Variants in IL1RAPL2 observed in about 807,000 individuals in gnomAD.
IL1RAPL2 encodes X-linked interleukin-1 receptor accessory protein-like 2.
In IL1RAPL2, 3 loss-of-function variants were observed where a neutral mutation model predicts 44.1. The ratio of observed to expected loss-of-function variants is 0.07; its 90% CI spans 0.03 to 0.18. The LOEUF (loss-of-function observed/expected upper bound fraction) is 0.18. Among genes scored for constraint, IL1RAPL2 ranks in the 10% least tolerant of loss-of-function variants. The pLI is 1.00. For synonymous variants in IL1RAPL2, 181 were observed against 178.8 expected, an observed-to-expected ratio of 1.01 and a Z score of -0.10; for missense variants, 391 against 496.4, an observed-to-expected ratio of 0.79 and a Z score of 2.02.
chrX:104,772,130 G>A (rs1221111520), intron 2 of IL1RAPL2, among the ~76,000 whole-genome samples: 2 of 111,310 alleles, frequency 1.8e-5, no homozygotes, highest in Non-Finnish European at 3.8e-5. Context: ...TTCATTTTAT[G>A]CACGGGTATT....
chrX:105,342,963 T>G (rs1461522733), intron 5 of IL1RAPL2, among the ~76,000 whole-genome samples: 3 of 111,483 alleles, frequency 2.7e-5, no homozygotes, highest in African/African-American at 9.8e-5. Flanking sequence ...ATATCATGTT[T>G]TATCTTAAAA....
At chrX:105,315,822 G>A (rs2034836517) in intron 5 of IL1RAPL2, among the ~76,000 whole-genome samples, 2 of 105,121 alleles carry the variant, frequency 1.9e-5, no homozygotes, top group Admixed American at 2.1e-4. Context: ...AAGTTAAGCA[G>A]TTACTCTCCA....
rs771769782 is a variant in IL1RAPL2, at chrX:104,620,639, C to CAAAAAAAAAA, written c.-19-38234_-19-38225dup. Among the ~76,000 whole-genome samples the CAAAAAAAAAA allele has an allele frequency of 2.1e-4, 3 of 14,591 alleles. 1 individual carries two copies. Among genetic ancestry groups the CAAAAAAAAAA allele is most frequent in the African/African-American group, 5.7e-4 (3 of 5,263 alleles). The allele number at this position is 14,591 out of a possible 115,157, so 12.7% of individuals were successfully genotyped here. On this transcript the variant is annotated intron_variant, in intron 1 of 10. Coordinates refer to ENST00000372582, the MANE Select transcript of IL1RAPL2 (RefSeq NM_017416.2). Reference sequence around the variant, plus strand: ...TGGGTGACAGAGCGAGAGTCTGTCTCAAAAAAAAAAAAAAAAAAAAAAAAA... The same window carrying CAAAAAAAAAA: ...TGGGTGACAGAGCGAGAGTCTGTCTCAAAAAAAAAAAAAAAAAAAAAAAAAAAAAAAAAAA...
chrX:105,635,501 A>T (rs1216803333), intron 6 of IL1RAPL2, among the ~76,000 whole-genome samples: 1 of 111,565 alleles, frequency 9.0e-6, no homozygotes, highest in Non-Finnish European at 1.9e-5. Context: ...AATGCTATAA[A>T]AATTGAAGAG....
chrX:105,122,733 T>G (rs1372185937), intron 2 of IL1RAPL2, among the ~76,000 whole-genome samples: 1 of 112,096 alleles, frequency 8.9e-6, no homozygotes, highest in Non-Finnish European at 1.9e-5. Context: ...TTCTTTTACT[T>G]ATGCAGTCTA....
intron 2 of IL1RAPL2, among the ~76,000 whole-genome samples, chrX:105,156,939 A>G (rs765710259): frequency 2.7e-5 from 3 of 110,224 alleles, no homozygotes; most frequent in Non-Finnish European, 5.7e-5. Context: ...TCCTATGACT[A>G]TATTAGAGCC....
At chrX:104,955,670 T>C (rs1001835560) in intron 2 of IL1RAPL2, among the ~76,000 whole-genome samples, 1 of 110,373 alleles carries the variant, frequency 9.1e-6, no homozygotes, top group Non-Finnish European at 1.9e-5. Flanking sequence ...TCTTTTATTA[T>C]GTTCTCCAAG....
chrX:104,752,563 A>G (rs1223285931), intron 2 of IL1RAPL2, among the ~76,000 whole-genome samples: 1 of 110,487 alleles, frequency 9.1e-6, no homozygotes, highest in Non-Finnish European at 1.9e-5. Flanking sequence ...TATTTGAGTC[A>G]TGTCACATGG....
At chrX:104,597,486 A>T (rs756034904) in intron 1 of IL1RAPL2, among the ~76,000 whole-genome samples, 2 of 111,991 alleles carry the variant, frequency 1.8e-5, no homozygotes, top group African/African-American at 6.5e-5. Context: ...TGAGAAAAGT[A>T]TGGTTCTCTG....
rs149096054 is a variant in IL1RAPL2, at chrX:105,241,177, T to G, written c.543+7173T>G. On this transcript the variant is annotated intron_variant, in intron 4 of 10. Transcript: ENST00000372582. ...GGGGCCCTCTGTAGCATCCTAAAGT[T>G]AGTGGTCAAAAGAGACTTAATTTCG... 4.1e-3 allele frequency among the ~76,000 whole-genome samples: 464 copies of G among 111,851 alleles called. 11 individuals carry two copies. Among genetic ancestry groups the G allele is most frequent in the Middle Eastern group, 9.2e-3 (2 of 218 alleles).
intron 6 of IL1RAPL2, among the ~76,000 whole-genome samples, chrX:105,490,117 C>T (rs2036305687): frequency 9.0e-6 from 1 of 111,544 alleles, no homozygotes; most frequent in Non-Finnish European, 1.9e-5. Context: ...CATGAGCCAT[C>T]GAGCCTGGCC....
At chrX:104,916,779 GGGTTGTT>G (rs1924454207) in intron 2 of IL1RAPL2, among the ~76,000 whole-genome samples, 2 of 111,072 alleles carry the variant, frequency 1.8e-5, no homozygotes, top group Non-Finnish European at 3.8e-5. Flanking sequence ...TTAGCATGAA[GGGTTGTT>G]GAATTTTGTC....
chrX:104,970,778 G>A (rs187324207), intron 2 of IL1RAPL2, among the ~76,000 whole-genome samples: 3 of 111,638 alleles, frequency 2.7e-5, no homozygotes, highest in Admixed American at 9.5e-5. Flanking sequence ...ACCTTAAGGG[G>A]GATGCAAAAG....
intron 2 of IL1RAPL2, among the ~76,000 whole-genome samples, chrX:105,018,192 T>G (rs934354298): frequency 1.8e-5 from 2 of 111,804 alleles, no homozygotes; most frequent in Middle Eastern, 4.2e-3. Flanking sequence ...AGAATACTTT[T>G]AAATGTGCCA....
At chrX:104,941,411 G>A (rs1206545043) in intron 2 of IL1RAPL2, among the ~76,000 whole-genome samples, 1 of 111,555 alleles carries the variant, frequency 9.0e-6, no homozygotes, top group African/African-American at 3.3e-5. Flanking sequence ...GATGTGAGAA[G>A]GTATCTCATT....
intron 2 of IL1RAPL2, among the ~76,000 whole-genome samples, chrX:104,835,670 A>G (rs775421530): frequency 4.5e-4 from 50 of 112,103 alleles, no homozygotes; most frequent in Non-Finnish European, 8.6e-4. Flanking sequence ...ATAGAAATTT[A>G]TGCCACTAAT....
intron 9 of IL1RAPL2, among the ~76,000 whole-genome samples, chrX:105,752,277 A>G (rs1602555728): frequency 8.9e-6 from 1 of 112,549 alleles, no homozygotes; most frequent in African/African-American, 3.2e-5. Context: ...TTTGCTCTGT[A>G]GAAACTAGGA....
At position 105,233,696 on chromosome X, in the gene IL1RAPL2, G is replaced by GT. The variant is rs782200378; in HGVS notation, c.357-115dup. Reference sequence around the variant, plus strand: ...TAAAACTGCTCTGTGTTGCTTTGATGTTTTTTTCTGATTTCTAGGCAAGGT... The same window carrying GT: ...TAAAACTGCTCTGTGTTGCTTTGATGTTTTTTTTCTGATTTCTAGGCAAGGT... On this transcript the variant is annotated intron_variant, in intron 3 of 10. Transcript: ENST00000372582. The GT allele has an allele frequency of 1.2e-4, 68 of 550,340 alleles. 1 individual carries two copies. In the East Asian group the frequency reaches 1.5e-3, roughly 13 times the overall value. 45.4% of individuals were successfully genotyped at this position (550,340 alleles called of 1,213,427 possible). A position where few individuals can be genotyped will look rare whatever the true frequency, so the allele number is the denominator to read the frequency against.
intron 1 of IL1RAPL2, among the ~76,000 whole-genome samples, chrX:104,607,513 C>T (rs1038564719): frequency 8.9e-6 from 1 of 111,822 alleles, no homozygotes; most frequent in Non-Finnish European, 1.9e-5. Flanking sequence ...TATCCAGAAT[C>T]TACAAAGAAT....
Sources: allele counts gnomAD v4.1 joint callset (sites outside exome capture counted in the v4.1 genomes callset), GRCh38; gene constraint gnomAD v4.1.1; transcripts MANE v1.5; gene names NCBI Gene and HGNC (gene_info 2026-07-23, HGNC 2026-07-21).